Variants in SERINC5 observed in about 807,000 individuals in gnomAD.
The protein encoded by SERINC5 is serine incorporator 5, also known as chromosome 5 open reading frame 12.
In SERINC5, 41 loss-of-function variants were observed where a neutral mutation model predicts 63.1. The observed-to-expected ratio is 0.65, with a 90% CI of 0.51 to 0.84. SERINC5 has a LOEUF of 0.84. Among genes scored for constraint, SERINC5 ranks in the 40% least tolerant of loss-of-function variants. The pLI is 0.00. For synonymous variants in SERINC5, 222 were observed against 215.2 expected, an observed-to-expected ratio of 1.03 and a Z score of -0.28; for missense variants, 523 against 573.0, an observed-to-expected ratio of 0.91 and a Z score of 0.89.
intron 1 of SERINC5, among the ~76,000 whole-genome samples, chr5:80,208,636 T>A (rs1477431755): frequency 6.6e-6 from 1 of 152,128 alleles, no homozygotes; most frequent in Non-Finnish European, 1.5e-5. Flanking sequence ...TACTGCATAC[T>A]CTCCTCCTCC....
At chr5:80,186,134 A>G (rs1382288412) in intron 2 of SERINC5, among the ~76,000 whole-genome samples, 1 of 134,902 alleles carries the variant, frequency 7.4e-6, no homozygotes, top group Non-Finnish European at 1.5e-5. Context: ...TTGAAAAAAA[A>G]AAAAAAAAAA....
chr5:80,165,130 A>G (rs931132942), intron 7 of SERINC5, among the ~76,000 whole-genome samples: 1 of 152,062 alleles, frequency 6.6e-6, no homozygotes, highest in South Asian at 2.1e-4. Context: ...ATTAATACAT[A>G]AACAGTCATA....
At chr5:80,183,948 T>A (rs1748634391) in intron 2 of SERINC5, among the ~76,000 whole-genome samples, 3 of 152,156 alleles carry the variant, frequency 2.0e-5, no homozygotes, top group Admixed American at 2.0e-4. Context: ...CACAGGTGCT[T>A]TCTGGAGGAA....
At chr5:80,118,124 A>T (rs892096848) in intron 11 of SERINC5, among the ~76,000 whole-genome samples, 1 of 152,022 alleles carries the variant, frequency 6.6e-6, no homozygotes, top group Non-Finnish European at 1.5e-5. Flanking sequence ...AATTGCTTGA[A>T]ACTGGGAGGC....
At chr5:80,231,730 A>G (rs1176384589) in intron 1 of SERINC5, among the ~76,000 whole-genome samples, 1 of 152,264 alleles carries the variant, frequency 6.6e-6, no homozygotes, top group South Asian at 2.1e-4. Context: ...AGTCTTTTCA[A>G]CAAATGTTGG....
At chr5:80,221,054 G>A (rs1486468085) in intron 1 of SERINC5, among the ~76,000 whole-genome samples, 2 of 152,152 alleles carry the variant, frequency 1.3e-5, no homozygotes, top group Non-Finnish European at 2.9e-5. Flanking sequence ...CACTGCAAGA[G>A]CAGAGAGCAC....
intron 1 of SERINC5, among the ~76,000 whole-genome samples, chr5:80,236,683 G>A (rs1389926728): frequency 2.0e-5 from 3 of 151,928 alleles, no homozygotes; most frequent in Non-Finnish European, 2.9e-5. Context: ...ACGCCACCAC[G>A]CCCAGCTAAT....
chr5:80,187,973 TGA>T (rs1748930366), intron 2 of SERINC5, among the ~76,000 whole-genome samples: 1 of 152,058 alleles, frequency 6.6e-6, no homozygotes, highest in Non-Finnish European at 1.5e-5. Flanking sequence ...CAATCTCCAT[TGA>T]GAGAATTAGG....
At chr5:80,210,604 A>G (rs1750388478) in intron 1 of SERINC5, among the ~76,000 whole-genome samples, 1 of 152,134 alleles carries the variant, frequency 6.6e-6, no homozygotes, top group African/African-American at 2.4e-5. Context: ...AAGGCCAAAC[A>G]TATTACAAAA....
chr5:80,154,565 C>G (rs780959417), intron 8 of SERINC5, among the ~76,000 whole-genome samples: 9 of 152,128 alleles, frequency 5.9e-5, no homozygotes, highest in Non-Finnish European at 7.4e-5. Context: ...AAATCTCCCC[C>G]TCTCCTGGTG....
At chr5:80,251,288 A>T (rs1328757183) in intron 1 of SERINC5, among the ~76,000 whole-genome samples, 2 of 33,972 alleles carry the variant, frequency 5.9e-5, no homozygotes, top group South Asian at 5.3e-4. Flanking sequence ...AAATACATAC[A>T]TGCATACATA....
chr5:80,249,780 C>T (rs1371734339), intron 1 of SERINC5, among the ~76,000 whole-genome samples: 2 of 151,768 alleles, frequency 1.3e-5, no homozygotes, highest in East Asian at 3.9e-4. Flanking sequence ...CCAGCCTCGG[C>T]AACAAGAGCG....
In SERINC5 at chr5:80,139,628, T is replaced by G; in HGVS notation, c.*4035A>C. Reference sequence around the variant, plus strand: ...AGAGAGAGAAAGGTCTAAACATCTGTGTGAACAGCTCTCCAGTACTGTGAA... The same window carrying G: ...AGAGAGAGAAAGGTCTAAACATCTGGGTGAACAGCTCTCCAGTACTGTGAA... On this transcript the variant is annotated 3_prime_UTR_variant, in exon 12 of 12. Transcript: ENST00000507668. The G allele has an allele frequency of 1.3e-6, 1 of 756,380 alleles. No homozygotes were observed. The allele number at this position is 756,380 out of a possible 1,614,324, so 46.9% of individuals were successfully genotyped here. A position where few individuals can be genotyped will look rare whatever the true frequency, so the allele number is the denominator to read the frequency against.
At chr5:80,200,681 C>T (rs1749782269) in intron 2 of SERINC5, among the ~76,000 whole-genome samples, 1 of 152,162 alleles carries the variant, frequency 6.6e-6, no homozygotes, top group South Asian at 2.1e-4. Flanking sequence ...ACCATACAAC[C>T]AGAATTATAA....
chr5:80,187,279 TA>T (rs1182028036), intron 2 of SERINC5, among the ~76,000 whole-genome samples: 1 of 152,214 alleles, frequency 6.6e-6, no homozygotes, highest in African/African-American at 2.4e-5. Context: ...AGGGATAAAT[TA>T]GGTTCACAAA....
chr5:80,177,813 A>C (rs1159459301), intron 3 of SERINC5, 73 bp downstream of exon 3: 1 of 1,167,636 alleles, frequency 8.6e-7, no homozygotes, highest in East Asian at 2.5e-5. Context: ...TCTGGTGGGC[A>C]GATGGGATCC....
chr5:80,155,730 C>A (rs1746482160), intron 8 of SERINC5, among the ~76,000 whole-genome samples: 1 of 151,858 alleles, frequency 6.6e-6, no homozygotes. Flanking sequence ...TGAGAACTTG[C>A]CTTAAAACAT....
chr5:80,142,193 T>C lies in SERINC5; in HGVS notation c.*1470A>G. On this transcript the variant is annotated 3_prime_UTR_variant, in exon 12 of 12. Coordinates refer to ENST00000507668, the MANE Select transcript of SERINC5 (RefSeq NM_001174072.3). ...CCACCAAGTAAACCTTTTCCCTGCC[T>C]GAATACATCAACACTGAAAATAGGC... 1.0e-6 allele frequency: 1 copy of C among 985,394 alleles called. No homozygotes were observed. The highest frequency in any genetic ancestry group is 1.2e-6 in the Non-Finnish European group (1 of 829,918). The allele number at this position is 985,394 out of a possible 1,614,324, so 61.0% of individuals were successfully genotyped here.
rs770498440 is a variant in SERINC5 at position 80,141,027 on chromosome 5, A to G, written c.*2636T>C. On this transcript the variant is annotated 3_prime_UTR_variant, in exon 12 of 12. Transcript: ENST00000507668. ...AATGTTTCCAGTTTCTCAAATCACA[A>G]TTGCACAAAACTGTAGATTCTTTAA... 8.1e-6 allele frequency: 8 copies of G among 985,284 alleles called. No homozygotes were observed. The highest frequency in any genetic ancestry group is 9.6e-6 in the Non-Finnish European group (8 of 829,894). The allele number at this position is 985,284 out of a possible 1,614,324, so 61.0% of individuals were successfully genotyped here. A position where few individuals can be genotyped will look rare whatever the true frequency, so the allele number is the denominator to read the frequency against.
Sources: allele counts gnomAD v4.1 joint callset (sites outside exome capture counted in the v4.1 genomes callset), GRCh38; gene constraint gnomAD v4.1.1; transcripts MANE v1.5; gene names NCBI Gene and HGNC (gene_info 2026-07-23, HGNC 2026-07-21).